Variants in TADA2A observed in about 807,000 individuals in gnomAD.
TADA2A encodes the protein transcriptional adaptor 2A, also known as transcriptional adapter 2-alpha.
Under a neutral mutation model 67.4 loss-of-function variants are expected in TADA2A, and 38 were observed. That is an observed-to-expected ratio of 0.56 (90% CI 0.44 to 0.74). TADA2A has a LOEUF of 0.74. Among genes scored for constraint, TADA2A ranks in the 30% least tolerant of loss-of-function variants. TADA2A has a pLI of 0.00. For missense variants in TADA2A, 454 were observed against 547.0 expected, an observed-to-expected ratio of 0.83 and a Z score of 1.70; for synonymous variants, 192 against 181.6, an observed-to-expected ratio of 1.06 and a Z score of -0.46.
chr17:37,408,909 C>A (rs2147888133), intron 1 of TADA2A, among the ~76,000 whole-genome samples: 1 of 152,256 alleles, frequency 6.6e-6, no homozygotes, highest in African/African-American at 2.4e-5. Context: ...ATGAATTATT[C>A]TCCAAGCTAA....
chr17:37,406,986 GGGT>G (rs2051563346), intron 1 of TADA2A, 37 bp downstream of exon 1: 1 of 145,076 alleles, frequency 6.9e-6, no homozygotes, highest in Non-Finnish European at 1.5e-5. Flanking sequence ...GCGGGCGGGC[GGGT>G]GGCGGAGCGC....
intron 2 of TADA2A, among the ~76,000 whole-genome samples, chr17:37,412,189 C>G (rs143501866): frequency 1.4e-5 from 2 of 141,256 alleles, no homozygotes; most frequent in Non-Finnish European, 3.0e-5. Flanking sequence ...CCAGCTTGGG[C>G]GACAGAGTGA....
At chr17:37,457,070 T>G (rs2053412251) in intron 8 of TADA2A, among the ~76,000 whole-genome samples, 1 of 152,098 alleles carries the variant, frequency 6.6e-6, no homozygotes, top group Non-Finnish European at 1.5e-5. Context: ...GCTCCCCAAC[T>G]GAAAACTCCT....
Position 37,406,936 on chromosome 17 carries a change from G to C in TADA2A, c.-111G>C, listed in dbSNP as rs1056880536. Reference sequence around the variant, plus strand: ...CCGGCGGCTCTTTGGCGCGGATTAGGGGGTCTCGGCGAGGTGAGGCGCCAG... The same window carrying C: ...CCGGCGGCTCTTTGGCGCGGATTAGCGGGTCTCGGCGAGGTGAGGCGCCAG... On this transcript the variant is annotated 5_prime_UTR_variant, in exon 1 of 16. Transcript: ENST00000615182. The C allele has an allele frequency of 8.3e-6, 1 of 120,132 alleles. No individual in the cohort carries two copies. The highest frequency in any genetic ancestry group is 3.1e-4 in the East Asian group (1 of 3,256). The allele number at this position is 120,132 out of a possible 1,614,324, so 7.4% of individuals were successfully genotyped here. A position where few individuals can be genotyped will look rare whatever the true frequency, so the allele number is the denominator to read the frequency against.
chr17:37,469,357 G>T (rs1324339620), intron 12 of TADA2A, among the ~76,000 whole-genome samples: 1 of 151,770 alleles, frequency 6.6e-6, no homozygotes, highest in Non-Finnish European at 1.5e-5. Context: ...AAGTGGGCTG[G>T]GCACGGTGGC....
intron 2 of TADA2A, among the ~76,000 whole-genome samples, chr17:37,414,350 T>C (rs1030286366): frequency 1.3e-5 from 2 of 152,020 alleles, no homozygotes; most frequent in African/African-American, 4.8e-5. Context: ...TATAGCGTAC[T>C]CTCATCATTT....
chr17:37,473,111 C>T (rs901133663), intron 14 of TADA2A, among the ~76,000 whole-genome samples: 5 of 149,224 alleles, frequency 3.4e-5, no homozygotes, highest in Admixed American at 2.0e-4. Context: ...AGGTGAATGC[C>T]ACCAAACCTG....
At chr17:37,418,381 G>A (rs1041405442) in intron 2 of TADA2A, among the ~76,000 whole-genome samples, 53 of 152,178 alleles carry the variant, frequency 3.5e-4, no homozygotes, top group African/African-American at 1.2e-3. Context: ...GTGGGGCACT[G>A]GTCATTGTGG....
rs775978650 is a variant in TADA2A at position 37,458,541 on chromosome 17, G to A, written c.622G>A (p.Val208Ile). ...DILHALKMAV[V>I]DIYHSRLKER... ...ATTTGTAGCTCTGAAGATGGCTGTG[G>A]TAGATATCTATCATTCCAGGTTAAA... Residue 208 changes from valine to isoleucine, a missense_variant, in exon 9 of 16, where the codon GTA becomes ATA. Val to Ile is a conservative substitution (Grantham distance 29). This residue lies in a region of TADA2A where 403 missense variants were observed against 455.5 expected (regional missense o/e 0.88). Coordinates refer to ENST00000615182, the MANE Select transcript of TADA2A (RefSeq NM_001166105.3). The A allele has an allele frequency of 1.9e-6, 3 of 1,612,084 alleles. No individual in the cohort carries two copies. The highest frequency in any genetic ancestry group is 4.5e-5 in the East Asian group (2 of 44,808).
chr17:37,425,766 A>G (rs2052385913), intron 3 of TADA2A, among the ~76,000 whole-genome samples: 1 of 150,832 alleles, frequency 6.6e-6, no homozygotes, highest in Non-Finnish European at 1.5e-5. Context: ...CTTCTACCTC[A>G]GCTTCCCAAG....
At chr17:37,435,869 C>G (rs1236763766) in intron 4 of TADA2A, among the ~76,000 whole-genome samples, 1 of 152,084 alleles carries the variant, frequency 6.6e-6, no homozygotes, top group African/African-American at 2.4e-5. Flanking sequence ...TGCATGCCAA[C>G]ACTCCCAGCT....
intron 8 of TADA2A, among the ~76,000 whole-genome samples, chr17:37,448,554 T>C (rs534943506): frequency 5.3e-5 from 8 of 152,324 alleles, no homozygotes; most frequent in African/African-American, 1.9e-4. Flanking sequence ...TCAATGCACA[T>C]GCTTAGTGTA....
chr17:37,408,740 A>T (rs56186148), intron 1 of TADA2A: 110,316 of 152,066 alleles, frequency 0.73, 40,655 homozygotes, highest in East Asian at 0.97. Flanking sequence ...TAAATTTGGC[A>T]GTTATTTGAT....
chr17:37,425,845 A>G (rs1290999676), intron 3 of TADA2A, among the ~76,000 whole-genome samples: 3 of 149,074 alleles, frequency 2.0e-5, no homozygotes, highest in Non-Finnish European at 4.4e-5. Context: ...TCTGTGGAGA[A>G]AGGGTCTCGC....
rs190391376 is a variant in TADA2A at position 37,418,908 on chromosome 17, T to G, written c.26-4601T>G. On this transcript the variant is annotated intron_variant, in intron 2 of 15. Coordinates refer to ENST00000615182, the MANE Select transcript of TADA2A (RefSeq NM_001166105.3). ...CTGGCTATTTTTTCTTTTTATTATTTTTGGTAGAAGCAGGGTCTTGCAGTA... is the reference window on the plus strand; with the variant it reads ...CTGGCTATTTTTTCTTTTTATTATTGTTGGTAGAAGCAGGGTCTTGCAGTA... Among the ~76,000 whole-genome samples the G allele has an allele frequency of 5.8e-4, 85 of 146,552 alleles. 6 individuals are homozygous for G. Among genetic ancestry groups the G allele is most frequent in the Non-Finnish European group, 1.1e-3 (73 of 65,526 alleles).
intron 3 of TADA2A, among the ~76,000 whole-genome samples, chr17:37,425,324 G>T (rs1485355042): frequency 6.6e-6 from 1 of 152,148 alleles, no homozygotes; most frequent in Non-Finnish European, 1.5e-5. Context: ...ATTTTTGTGG[G>T]TGATAATGGT....
intron 9 of TADA2A, among the ~76,000 whole-genome samples, chr17:37,461,196 C>A (rs144765839): frequency 3.9e-5 from 6 of 152,050 alleles, no homozygotes; most frequent in African/African-American, 1.4e-4. Flanking sequence ...AGATCCTCCA[C>A]GTGAGCAGTT....
chr17:37,468,033 G>GTGGAGT (rs2053704938), intron 12 of TADA2A, among the ~76,000 whole-genome samples: 9 of 151,500 alleles, frequency 5.9e-5, no homozygotes, highest in Admixed American at 5.9e-4. Context: ...AGTGAGCCAA[G>GTGGAGT]ATGGTGCCAC....
In TADA2A at chr17:37,440,590, T is replaced by C; in HGVS notation, c.370T>C (p.Phe124Leu). Residue 124 changes from phenylalanine to leucine, a missense_variant, in exon 6 of 16, where the codon TTT (phenylalanine) becomes CTT (leucine). Coordinates refer to ENST00000615182, the MANE Select transcript of TADA2A (RefSeq NM_001166105.3). ...GAAGCATTTCATCAATAACCCTCTG[T>C]TTGCATCTACCCTGCTGAACCTGAA... ...YMKHFINNPL[F>L]ASTLLNLKQA... The C allele has an allele frequency of 6.2e-7, 1 of 1,614,102 alleles. No homozygotes were observed. The highest frequency in any genetic ancestry group is 8.5e-7 in the Non-Finnish European group (1 of 1,180,006).
Sources: allele counts gnomAD v4.1 joint callset (sites outside exome capture counted in the v4.1 genomes callset), GRCh38; gene constraint gnomAD v4.1.1; regional missense constraint gnomAD v4.1.1; transcripts MANE v1.5; gene names NCBI Gene and HGNC (gene_info 2026-07-23, HGNC 2026-07-21).